CLTA: variants seen among roughly 807,000 people sequenced by gnomAD.
CLTA encodes clathrin light chain A, also known as clathrin, light polypeptide (Lca).
CLTA carries 9 observed loss-of-function variants against 26.9 expected under a neutral mutation model. That is an observed-to-expected ratio of 0.33 (90% CI 0.20 to 0.58). CLTA has a LOEUF of 0.58. Ranked by LOEUF, CLTA falls within the 20% of genes least tolerant of loss-of-function variation. The probability of loss-of-function intolerance (pLI) is 0.85; values close to 1 mark genes in which losing one functional copy is unlikely to be tolerated. For synonymous variants in CLTA, 120 were observed against 115.5 expected, an observed-to-expected ratio of 1.04 and a Z score of -0.25; for missense variants, 278 against 294.2, an observed-to-expected ratio of 0.94 and a Z score of 0.40.
Position 36,200,061 on chromosome 9 carries a change from TA to T in CLTA, c.373+968del, listed in dbSNP as rs1827313583. ...TCTAGCCACACAGCCTGGCCTTTGA[TA>T]AAGAGATGTGTACGTGGAGTGTCAC... On this transcript the variant is annotated intron_variant, in intron 3 of 4. Transcript: ENST00000345519. Among the ~76,000 whole-genome samples, 6 of 152,218 alleles carry T rather than the reference TA, an allele frequency of 3.9e-5. No homozygotes were observed. In the South Asian group the frequency reaches 1.2e-3, roughly 31 times the overall value.
intron 3 of CLTA, among the ~76,000 whole-genome samples, chr9:36,199,396 G>A (rs537060497): frequency 6.7e-6 from 1 of 149,618 alleles, no homozygotes; most frequent in South Asian, 2.2e-4. Flanking sequence ...TAAACTTGAA[G>A]GATTCAAGTT....
chr9:36,193,977 A>G (rs977431649), intron 1 of CLTA, among the ~76,000 whole-genome samples: 2 of 152,134 alleles, frequency 1.3e-5, no homozygotes, highest in Non-Finnish European at 2.9e-5. Flanking sequence ...TGAGTCGGGG[A>G]AGAGAACAGG....
chr9:36,201,215 G>A (rs1306474214), intron 3 of CLTA, among the ~76,000 whole-genome samples: 1 of 152,210 alleles, frequency 6.6e-6, no homozygotes, highest in African/African-American at 2.4e-5. Context: ...CTTGGTTCAT[G>A]AACAAGGTGT....
chr9:36,208,213 T>C (rs1166047222), intron 4 of CLTA, among the ~76,000 whole-genome samples: 2 of 152,236 alleles, frequency 1.3e-5, no homozygotes, highest in African/African-American at 4.8e-5. Flanking sequence ...GGAGGTTCCA[T>C]GTCCAGCCAC....
chr9:36,207,188 C>G (rs767650291), intron 4 of CLTA, among the ~76,000 whole-genome samples: 2 of 152,196 alleles, frequency 1.3e-5, no homozygotes, highest in Non-Finnish European at 2.9e-5. Flanking sequence ...AGTCCCCAGA[C>G]TGCATCTCCC....
chr9:36,191,290 G>A lies in CLTA; in HGVS notation c.217+17G>A, dbSNP rs1332842760. 6 of 1,497,622 alleles carry A rather than the reference G, an allele frequency of 4.0e-6. No homozygotes were observed. The highest frequency in any genetic ancestry group is 5.3e-6 in the Non-Finnish European group (6 of 1,131,790). The allele number at this position is 1,497,622 out of a possible 1,614,324, so 92.8% of individuals were successfully genotyped here. A position where few individuals can be genotyped will look rare whatever the true frequency, so the allele number is the denominator to read the frequency against. On this transcript the variant is annotated intron_variant, in intron 1 of 4. Coordinates refer to ENST00000345519, the MANE Select transcript of CLTA (RefSeq NM_001833.4). ...GGGGTCCGGGTGAGAGTGCGGGCGC[G>A]TTTGGGGCGAGAGGACTTGTCTGGA...
chr9:36,194,271 C>A (rs998189645), intron 1 of CLTA, among the ~76,000 whole-genome samples: 1 of 152,202 alleles, frequency 6.6e-6, no homozygotes, highest in Non-Finnish European at 1.5e-5. Context: ...AGGTGAGCCA[C>A]CCGCCTTGGC....
intron 3 of CLTA, among the ~76,000 whole-genome samples, chr9:36,201,023 C>T (rs538418324): frequency 2.6e-5 from 4 of 152,232 alleles, no homozygotes; most frequent in Non-Finnish European, 5.9e-5. Context: ...TCTGTTTTAC[C>T]AAGCTCTAGC....
chr9:36,191,248 G>A lies in CLTA; in HGVS notation c.192G>A (p.Pro64=), dbSNP rs765757524. 2 of 1,531,184 alleles carry A rather than the reference G, an allele frequency of 1.3e-6. No homozygotes were observed. Among genetic ancestry groups the A allele is most frequent in the Admixed American group, 2.1e-5 (1 of 48,114 alleles). The allele number at this position is 1,531,184 out of a possible 1,614,324, so 94.8% of individuals were successfully genotyped here. The change falls in exon 1 of 5, where the codon CCG becomes CCA. Residue 64 remains proline, a synonymous_variant. Coordinates refer to ENST00000345519, the MANE Select transcript of CLTA (RefSeq NM_001833.4). ...ACGGCGGCGCCCCCGGGCCCCAGCC[G>A]CACGGCGAGCCGCCGGGGGGTCCGG... is the stretch of plus-strand genomic sequence containing the variant. The part of the protein sequence containing the change: ...ILDGGAPGPQ[P]HGEPPGGPDA...
chr9:36,205,254 G>A (rs972759003), intron 4 of CLTA, among the ~76,000 whole-genome samples: 1 of 152,196 alleles, frequency 6.6e-6, no homozygotes, highest in African/African-American at 2.4e-5. Flanking sequence ...GTGCCTGTCA[G>A]GTTCCATGTG....
At chr9:36,205,977 G>A (rs1827699012) in intron 4 of CLTA, among the ~76,000 whole-genome samples, 2 of 151,992 alleles carry the variant, frequency 1.3e-5, no homozygotes, top group Non-Finnish European at 2.9e-5. Flanking sequence ...AGCCAGGATG[G>A]TCTCGATCTC....
At chr9:36,199,703 C>T (rs907013104) in intron 3 of CLTA, among the ~76,000 whole-genome samples, 1 of 152,096 alleles carries the variant, frequency 6.6e-6, no homozygotes, top group Non-Finnish European at 1.5e-5. Flanking sequence ...ATCCACACAC[C>T]TTGGCCTCCT....
chr9:36,199,364 G>A (rs999873885), intron 3 of CLTA, among the ~76,000 whole-genome samples: 2 of 152,096 alleles, frequency 1.3e-5, no homozygotes, highest in African/African-American at 2.4e-5. Context: ...GTAGCCTCAG[G>A]TGGTGTTTAT....
chr9:36,209,385 C>T, intron 4 of CLTA: 1 of 1,259,912 alleles, frequency 7.9e-7, no homozygotes. Flanking sequence ...AGAGTTAATG[C>T]TCCTTTTATG....
chr9:36,196,585 G>A (rs977411576), intron 1 of CLTA, among the ~76,000 whole-genome samples: 3 of 151,956 alleles, frequency 2.0e-5, no homozygotes, highest in African/African-American at 7.2e-5. Flanking sequence ...CTGACCTCGA[G>A]TGATCCTCCC....
Position 36,191,040 on chromosome 9 carries a change from C to A in CLTA, c.-17C>A. On this transcript the variant is annotated 5_prime_UTR_variant, in exon 1 of 5. Coordinates refer to ENST00000345519, the MANE Select transcript of CLTA (RefSeq NM_001833.4). ...TTTTGTCTCACCGTTGGTGTCCGTG[C>A]CGTTCAGTTGCCCGCCATGGCTGAG... 1 of 1,520,352 alleles carries A rather than the reference C, an allele frequency of 6.6e-7. No homozygotes were observed. Among genetic ancestry groups the A allele is most frequent in the Non-Finnish European group, 8.7e-7 (1 of 1,146,216 alleles). 94.2% of individuals were successfully genotyped at this position (1,520,352 alleles called of 1,614,324 possible).
intron 3 of CLTA, among the ~76,000 whole-genome samples, chr9:36,200,023 A>T (rs984472671): frequency 2.6e-5 from 4 of 152,162 alleles, no homozygotes; most frequent in Non-Finnish European, 5.9e-5. Context: ...TAAACATTTA[A>T]TGTGCGTGGC....
intron 4 of CLTA, among the ~76,000 whole-genome samples, chr9:36,205,855 A>G (rs1289242925): frequency 7.1e-6 from 1 of 140,566 alleles, no homozygotes; most frequent in Non-Finnish European, 1.5e-5. Context: ...CACCTCCTGG[A>G]TTCACGCCAT....
At chr9:36,199,138 A>G in intron 3 of CLTA, 42 bp downstream of exon 3, 1 of 1,265,140 alleles carries the variant, frequency 7.9e-7, no homozygotes, top group Non-Finnish European at 1.2e-6. Flanking sequence ...TTTTCAGTGG[A>G]GTAGTTGAGC....
Sources: gnomAD v4.1 joint callset for allele counts (sites outside exome capture counted in the v4.1 genomes callset) on GRCh38, gnomAD v4.1.1 for gene constraint, MANE v1.5 for transcripts, NCBI Gene and HGNC (gene_info 2026-07-23, HGNC 2026-07-21) for gene names.